DSTYK: variants seen among roughly 807,000 people sequenced by gnomAD.
The protein encoded by DSTYK is RIP-homologous kinase.
DSTYK carries 34 observed loss-of-function variants against 98.7 expected under a neutral mutation model. The ratio of observed to expected loss-of-function variants is 0.34; its 90% CI spans 0.26 to 0.46. The LOEUF (loss-of-function observed/expected upper bound fraction) is 0.46. Ranked by LOEUF, DSTYK falls within the 20% of genes least tolerant of loss-of-function variation. The pLI is 1.00. For synonymous variants in DSTYK, 462 were observed against 457.3 expected, an observed-to-expected ratio of 1.01 and a Z score of -0.13; for missense variants, 962 against 1,181.7, an observed-to-expected ratio of 0.81 and a Z score of 2.73.
chr1:205,149,094 G>A (rs1657329287), intron 11 of DSTYK, among the ~76,000 whole-genome samples: 1 of 152,060 alleles, frequency 6.6e-6, no homozygotes, highest in Non-Finnish European at 1.5e-5. Context: ...TAGAGATGGG[G>A]TTTCTCCATG....
intron 2 of DSTYK, among the ~76,000 whole-genome samples, chr1:205,177,671 A>G (rs61823960): frequency 0.078 from 11,919 of 152,194 alleles, 601 homozygotes; most frequent in Non-Finnish European, 0.12. Flanking sequence ...GTTTGAGACC[A>G]GCCTGGCCAA....
rs183813915 is a variant in DSTYK at position 205,145,232 on chromosome 1, A to G, written c.*2326T>C. The stretch of plus-strand genomic sequence containing the variant: ...TGAGAATATACTGAACATCCTACCA[A>G]AACAAGGCTAAAGCCTGCAGAGCCC... On this transcript the variant is annotated 3_prime_UTR_variant, in exon 13 of 13. Transcript: ENST00000367162. 3.9e-5 allele frequency: 6 copies of G among 152,312 alleles called. No homozygotes were observed. Among genetic ancestry groups the G allele is most frequent in the Admixed American group, 3.9e-4 (6 of 15,298 alleles). The allele number at this position is 152,312 out of a possible 1,614,324, so 9.4% of individuals were successfully genotyped here. A position where few individuals can be genotyped will look rare whatever the true frequency, so the allele number is the denominator to read the frequency against.
At chr1:205,205,002 C>A (rs1369069345) in intron 1 of DSTYK, among the ~76,000 whole-genome samples, 6 of 152,082 alleles carry the variant, frequency 3.9e-5, no homozygotes, top group Admixed American at 3.9e-4. Flanking sequence ...CTTTTGGCCA[C>A]TGAATGCTGC....
chr1:205,166,728 C>A (rs575330827), intron 3 of DSTYK, among the ~76,000 whole-genome samples: 3 of 152,188 alleles, frequency 2.0e-5, no homozygotes, highest in Non-Finnish European at 4.4e-5. Context: ...CAACTCCTCT[C>A]GCAGTGGGGA....
intron 2 of DSTYK, among the ~76,000 whole-genome samples, chr1:205,174,122 T>TA (rs780316840): frequency 7.0e-4 from 106 of 152,152 alleles, no homozygotes; most frequent in Admixed American, 1.2e-3. Flanking sequence ...CTCATGCCTG[T>TA]AATCCCAGCA....
At chr1:205,155,699 C>T (rs553634635) in intron 10 of DSTYK, among the ~76,000 whole-genome samples, 5 of 151,944 alleles carry the variant, frequency 3.3e-5, no homozygotes, top group African/African-American at 1.2e-4. Flanking sequence ...AAAAAGAAAA[C>T]CTATTTTCTG....
At position 205,145,905 on chromosome 1, in the gene DSTYK, A is replaced by T. The variant is rs541921086; in HGVS notation, c.*1653T>A. 6.6e-6 allele frequency: 1 copy of T among 152,266 alleles called. No individual in the cohort carries two copies. Among genetic ancestry groups the T allele is most frequent in the South Asian group, 2.1e-4 (1 of 4,828 alleles). The allele number at this position is 152,266 out of a possible 1,614,324, so 9.4% of individuals were successfully genotyped here. The stretch of plus-strand genomic sequence containing the variant: ...AAGTCAAGTGCATCTGAGATGCACC[A>T]ATATTTAAATTGTTCCCCTTCCTCT... On this transcript the variant is annotated 3_prime_UTR_variant, in exon 13 of 13. Transcript: ENST00000367162.
intron 1 of DSTYK, among the ~76,000 whole-genome samples, chr1:205,204,380 C>T (rs1220307344): frequency 6.6e-6 from 1 of 151,972 alleles, no homozygotes; most frequent in Non-Finnish European, 1.5e-5. Context: ...ACTGTTCTGT[C>T]CCACATTCCA....
At chr1:205,187,384 G>A (rs1658585108) in intron 2 of DSTYK, 34 bp downstream of exon 2, 1 of 1,564,012 alleles carries the variant, frequency 6.4e-7, no homozygotes, top group Admixed American at 1.9e-5. Context: ...TGGTATATAT[G>A]TATACAATTG....
intron 1 of DSTYK, among the ~76,000 whole-genome samples, chr1:205,188,620 T>C (rs745752387): frequency 2.0e-5 from 3 of 152,250 alleles, no homozygotes; most frequent in Non-Finnish European, 4.4e-5. Context: ...TTTTAAATTA[T>C]CTACCATATG....
At chr1:205,152,717 T>G (rs999063897) in intron 10 of DSTYK, among the ~76,000 whole-genome samples, 2 of 152,184 alleles carry the variant, frequency 1.3e-5, no homozygotes, top group African/African-American at 4.8e-5. Context: ...TCAGCACCTC[T>G]AATTAAAAAT....
intron 2 of DSTYK, among the ~76,000 whole-genome samples, chr1:205,182,839 C>G (rs925855756): frequency 6.6e-5 from 10 of 151,896 alleles, no homozygotes; most frequent in African/African-American, 2.4e-4. Context: ...GAAGTAAACC[C>G]CAACAGATAA....
At position 205,146,491 on chromosome 1, in the gene DSTYK, C is replaced by T. The variant is rs1403160888; in HGVS notation, c.*1067G>A. ...AGCAGTAACTCTAAATCCAATAACT[C>T]CTGTGTGTATGTCTATATAGATAGA... On this transcript the variant is annotated 3_prime_UTR_variant, in exon 13 of 13. Coordinates refer to ENST00000367162, the MANE Select transcript of DSTYK (RefSeq NM_015375.3). 6.6e-6 allele frequency: 1 copy of T among 152,012 alleles called. No homozygotes were observed. The highest frequency in any genetic ancestry group is 2.4e-5 in the African/African-American group (1 of 41,346). 9.4% of individuals were successfully genotyped at this position (152,012 alleles called of 1,614,324 possible). A position where few individuals can be genotyped will look rare whatever the true frequency, so the allele number is the denominator to read the frequency against.
chr1:205,195,070 G>A (rs1384784390), intron 1 of DSTYK, among the ~76,000 whole-genome samples: 3 of 144,832 alleles, frequency 2.1e-5, no homozygotes, highest in East Asian at 4.2e-4. Flanking sequence ...CAGGTGATCC[G>A]CCTGCCTCAG....
At position 205,187,270 on chromosome 1, in the gene DSTYK, A is replaced by G. The variant is rs186533076; in HGVS notation, c.654+148T>C. 46 of 950,086 alleles carry G rather than the reference A, an allele frequency of 4.8e-5. No homozygotes were observed. The East Asian group carries it at 8.6e-4, about 18-fold the overall frequency. 58.9% of individuals were successfully genotyped at this position (950,086 alleles called of 1,614,324 possible). Reference sequence around the variant, plus strand: ...TTGCTACAGCCTTGTTTGTTTTTCAACTTCCCAGATTATGTTCCTCTGACT... The same window carrying G: ...TTGCTACAGCCTTGTTTGTTTTTCAGCTTCCCAGATTATGTTCCTCTGACT... On this transcript the variant is annotated intron_variant, in intron 2 of 12. Transcript: ENST00000367162.
intron 3 of DSTYK, among the ~76,000 whole-genome samples, chr1:205,165,948 G>A (rs1272368299): frequency 2.0e-5 from 3 of 152,046 alleles, no homozygotes; most frequent in South Asian, 2.1e-4. Context: ...CTTGAACCCA[G>A]GAGGCGGAGG....
chr1:205,187,900 A>C, intron 1 of DSTYK, 94 bp from the exon 2 acceptor site: 1 of 1,242,466 alleles, frequency 8.0e-7, no homozygotes, highest in Non-Finnish European at 1.1e-6. Flanking sequence ...AAATCCCATG[A>C]GGAAGACAAG....
rs1202081281 is a variant in DSTYK, at chr1:205,159,651, C to T, written c.2134G>A (p.Asp712Asn). 1 of 1,613,666 alleles carries T rather than the reference C, an allele frequency of 6.2e-7. No homozygotes were observed. Among genetic ancestry groups the T allele is most frequent in the South Asian group, 1.1e-5 (1 of 91,054 alleles). The change falls in exon 9 of 13, where the codon GAT becomes AAT. Residue 712 changes from aspartate (D) to asparagine (N), a missense_variant. Transcript: ENST00000367162. ...RSLPKHERLV[D>N]LHGSVIDYNY... ...TAGTCAATGACTGAACCATGGAGAT[C>T]CACCAATCGCTCATGCTTCGGCAGA...
chr1:205,194,438 G>C (rs1658802386), intron 1 of DSTYK, among the ~76,000 whole-genome samples: 1 of 152,094 alleles, frequency 6.6e-6, no homozygotes, highest in Admixed American at 6.5e-5. Context: ...AGCTCATAAA[G>C]TTAACATGGA....
Sources: gnomAD v4.1 joint callset for allele counts (sites outside exome capture counted in the v4.1 genomes callset) on GRCh38, gnomAD v4.1.1 for gene constraint, MANE v1.5 for transcripts, NCBI Gene and HGNC (gene_info 2026-07-23, HGNC 2026-07-21) for gene names.